Variants in ADAMTS17 observed in about 807,000 individuals in gnomAD.
ADAMTS17 encodes ADAM metallopeptidase with thrombospondin type 1 motif 17.
A neutral mutation model predicts 141.5 loss-of-function variants in ADAMTS17; 113 were observed. The ratio of observed to expected loss-of-function variants is 0.80; its 90% confidence interval spans 0.69 to 0.93. The LOEUF is 0.93. Ranked by LOEUF, ADAMTS17 falls within the 40% of genes least tolerant of loss-of-function variation. The pLI, the probability that ADAMTS17 is intolerant of heterozygous loss-of-function variation, is 0.00. For synonymous variants in ADAMTS17, 768 were observed against 630.6 expected (o/e 1.22, Z -3.27); for missense variants, 1,659 against 1,517.9 (o/e 1.09, Z -1.54).
At chr15:100,254,087 T>C (rs1054740301) in intron 7 of ADAMTS17, 49 bp downstream of exon 7, 9 of 1,576,446 alleles carry the variant, frequency 5.7e-6, no homozygotes, top group Non-Finnish European at 7.9e-6. Context: ...CTCCAGATTC[T>C]CCCAGGGTGT....
At chr15:100,131,924 C>G (rs548649871) in intron 12 of ADAMTS17, 83 bp downstream of exon 12, 1 of 1,602,188 alleles carries the variant, frequency 6.2e-7, no homozygotes, top group East Asian at 2.2e-5. Context: ...GGAGACAGAC[C>G]CTGCTTTGTG....
At chr15:100,090,001 A>C (rs901669681) in intron 15 of ADAMTS17, among the ~76,000 whole-genome samples, 6 of 151,870 alleles carry the variant, frequency 4.0e-5, no homozygotes, top group African/African-American at 7.2e-5. Context: ...TTAAAAAAAA[A>C]AAAAACAAAA....
At chr15:100,243,111 G>A (rs1205256431) in intron 7 of ADAMTS17, among the ~76,000 whole-genome samples, 3 of 152,198 alleles carry the variant, frequency 2.0e-5, no homozygotes, top group Non-Finnish European at 1.5e-5. Context: ...TATTTCATTC[G>A]GCATAATGTC....
intron 15 of ADAMTS17, among the ~76,000 whole-genome samples, chr15:100,091,004 T>C (rs1159454392): frequency 1.2e-5 from 1 of 81,698 alleles, no homozygotes; most frequent in African/African-American, 7.0e-5. Flanking sequence ...TGAGACTCCG[T>C]CTCAACAAAA....
chr15:100,232,411 T>C (rs1035364138), intron 7 of ADAMTS17, among the ~76,000 whole-genome samples: 3 of 152,126 alleles, frequency 2.0e-5, no homozygotes, highest in South Asian at 4.1e-4. Context: ...GAAAGCCTGA[T>C]GGAGATGAAA....
chr15:100,225,463 A>G (rs984671187), intron 7 of ADAMTS17, among the ~76,000 whole-genome samples: 2 of 150,556 alleles, frequency 1.3e-5, no homozygotes, highest in Non-Finnish European at 3.0e-5. Context: ...GTGCCCATTC[A>G]TGCAGTCCTT....
At chr15:100,054,331 C>T (rs1175040483) in intron 15 of ADAMTS17, among the ~76,000 whole-genome samples, 2 of 152,178 alleles carry the variant, frequency 1.3e-5, no homozygotes, top group African/African-American at 4.8e-5. Context: ...AAAACCAACT[C>T]AGATAGCTGG....
chr15:100,130,190 C>T (rs2037963783), intron 12 of ADAMTS17, among the ~76,000 whole-genome samples: 1 of 151,894 alleles, frequency 6.6e-6, no homozygotes, highest in Non-Finnish European at 1.5e-5. Context: ...ATGGCGAAAC[C>T]CCATCTCTAC....
intron 20 of ADAMTS17, among the ~76,000 whole-genome samples, chr15:99,986,604 A>C (rs2060591912): frequency 6.6e-6 from 1 of 152,156 alleles, no homozygotes; most frequent in Non-Finnish European, 1.5e-5. Flanking sequence ...TTTCAGTATA[A>C]GGGAACACTG....
chr15:100,122,546 C>T (rs974695647), intron 12 of ADAMTS17, among the ~76,000 whole-genome samples: 1 of 152,192 alleles, frequency 6.6e-6, no homozygotes, highest in Non-Finnish European at 1.5e-5. Context: ...GAAATGCTGA[C>T]CCCTCACATG....
At chr15:100,311,334 C>G (rs1048934179) in intron 3 of ADAMTS17, among the ~76,000 whole-genome samples, 2 of 152,210 alleles carry the variant, frequency 1.3e-5, no homozygotes, top group African/African-American at 4.8e-5. Context: ...CGAGGCCATG[C>G]GCTCACTCAG....
rs191772553 is a variant in ADAMTS17, at chr15:100,073,306, C to A, written c.2138-19252G>T. Among the ~76,000 whole-genome samples, 48 of 152,344 alleles carry A rather than the reference C, an allele frequency of 3.2e-4. No individual in the cohort carries two copies. In the East Asian group the frequency reaches 8.5e-3, roughly 27 times the overall value. ...GTGGAGAAATAGGAACACTTTTACACTGCTGGTAGGACTGTAAACTAGTTC... is the reference window on the plus strand; with the variant it reads ...GTGGAGAAATAGGAACACTTTTACAATGCTGGTAGGACTGTAAACTAGTTC... On this transcript the variant is annotated intron_variant, in intron 15 of 21. Coordinates refer to ENST00000268070, the MANE Select transcript of ADAMTS17 (RefSeq NM_139057.4).
intron 12 of ADAMTS17, among the ~76,000 whole-genome samples, chr15:100,131,571 C>T (rs1392808582): frequency 6.6e-6 from 1 of 152,110 alleles, no homozygotes; most frequent in Non-Finnish European, 1.5e-5. Flanking sequence ...CTAACAGTTA[C>T]AGGAGGACCC....
At chr15:100,271,836 T>C (rs2043924099) in intron 4 of ADAMTS17, among the ~76,000 whole-genome samples, 1 of 152,184 alleles carries the variant, frequency 6.6e-6, no homozygotes, top group African/African-American at 2.4e-5. Context: ...TTTCCGTTTT[T>C]TCTTCTAAGA....
chr15:100,242,670 C>T (rs1429660434), intron 7 of ADAMTS17, among the ~76,000 whole-genome samples: 2 of 152,206 alleles, frequency 1.3e-5, no homozygotes, highest in Admixed American at 1.3e-4. Flanking sequence ...CCTCACCTCC[C>T]AGGGGAGAAG....
At chr15:99,999,023 C>T (rs1198075168) in intron 18 of ADAMTS17, among the ~76,000 whole-genome samples, 1 of 152,224 alleles carries the variant, frequency 6.6e-6, no homozygotes, top group African/African-American at 2.4e-5. Context: ...CTTTTGCCCA[C>T]TGGCAGGATC....
chr15:100,159,891 C>A (rs751129090), intron 8 of ADAMTS17, among the ~76,000 whole-genome samples: 1 of 152,194 alleles, frequency 6.6e-6, no homozygotes, highest in Non-Finnish European at 1.5e-5. Flanking sequence ...GAGAAAGGAA[C>A]GTTTTGCCTC....
At chr15:100,198,797 C>A (rs1042110830) in intron 8 of ADAMTS17, among the ~76,000 whole-genome samples, 1 of 152,194 alleles carries the variant, frequency 6.6e-6, no homozygotes, top group Non-Finnish European at 1.5e-5. Flanking sequence ...CTCCTTAAGG[C>A]AAGCTCTAAG....
chr15:100,188,946 GT>G (rs1051477794), intron 8 of ADAMTS17, among the ~76,000 whole-genome samples: 7 of 152,226 alleles, frequency 4.6e-5, no homozygotes, highest in African/African-American at 1.7e-4. Context: ...AACCCACCAA[GT>G]TATATATACC....
Sources: gnomAD v4.1 joint callset for allele counts (sites outside exome capture counted in the v4.1 genomes callset) on GRCh38, gnomAD v4.1.1 for gene constraint, MANE v1.5 for transcripts, NCBI Gene and HGNC (gene_info 2026-07-23, HGNC 2026-07-21) for gene names.